Variants in DPYD observed in about 807,000 individuals in gnomAD.
DPYD encodes dihydropyrimidine dehydrogenase [NADP(+)].
Under a neutral mutation model 116.2 loss-of-function variants are expected in DPYD, and 109 were observed. The observed-to-expected ratio is 0.94, with a 90% CI of 0.80 to 1.10. The LOEUF is 1.10. DPYD is among the 50% of genes least tolerant of loss of function. DPYD has a pLI of 0.00. For synonymous variants in DPYD, 440 were observed against 432.0 expected (o/e 1.02, Z -0.23); for missense variants, 1,302 against 1,254.5 (o/e 1.04, Z -0.57).
Position 97,742,554 on chromosome 1 carries a change from ACGTTTT to A in DPYD, c.234-2081_234-2076del, listed in dbSNP as rs1664327556. Among the ~76,000 whole-genome samples the A allele has an allele frequency of 2.6e-5, 4 of 152,146 alleles. No homozygotes were observed. In the South Asian group the frequency reaches 8.3e-4, roughly 31 times the overall value. ...TTGAATTCCTGTCTGCTCATACTTAACGTTTTTTCCCCGAAACACTATTGTTGAGTT... is the reference window on the plus strand; with the variant it reads ...TTGAATTCCTGTCTGCTCATACTTAATTCCCCGAAACACTATTGTTGAGTT... On this transcript the variant is annotated intron_variant, in intron 3 of 22. Coordinates refer to ENST00000370192, the MANE Select transcript of DPYD (RefSeq NM_000110.4).
intron 13 of DPYD, among the ~76,000 whole-genome samples, chr1:97,492,762 C>A (rs900629984): frequency 2.0e-5 from 3 of 151,812 alleles, no homozygotes; most frequent in Admixed American, 6.6e-5. Flanking sequence ...TAAAGAAATT[C>A]AAAAAAATGG....
chr1:97,552,459 A>G lies in DPYD; in HGVS notation c.1340-2715T>C, dbSNP rs181833544. Among the ~76,000 whole-genome samples the G allele has an allele frequency of 2.0e-5, 3 of 152,216 alleles. No individual in the cohort carries two copies. In the East Asian group the frequency reaches 5.8e-4, roughly 29 times the overall value. On this transcript the variant is annotated intron_variant, in intron 11 of 22. Coordinates refer to ENST00000370192, the MANE Select transcript of DPYD (RefSeq NM_000110.4). ...AATAAGTAACTTTATGTTTCTTAAA[A>G]TATTTAGCACCAACATCATAAGCCA...
intron 18 of DPYD, among the ~76,000 whole-genome samples, chr1:97,290,806 C>T (rs1666090512): frequency 6.6e-6 from 1 of 152,126 alleles, no homozygotes; most frequent in Admixed American, 6.5e-5. Context: ...ACACCAAAAG[C>T]AATGGCAACA....
chr1:97,834,690 T>C (rs1669683594), intron 2 of DPYD, among the ~76,000 whole-genome samples: 1 of 151,818 alleles, frequency 6.6e-6, no homozygotes, highest in Non-Finnish European at 1.5e-5. Context: ...GGACATAAAG[T>C]AAATTGGGAA....
chr1:97,350,537 G>A (rs1670085761), intron 16 of DPYD, among the ~76,000 whole-genome samples: 1 of 151,960 alleles, frequency 6.6e-6, no homozygotes, highest in Admixed American at 6.6e-5. Flanking sequence ...AGGTTACAGG[G>A]GTCAGTGAAA....
chr1:97,148,260 GGT>G (rs1557893187), intron 20 of DPYD, among the ~76,000 whole-genome samples: 1 of 149,062 alleles, frequency 6.7e-6, no homozygotes, highest in Admixed American at 6.7e-5. Flanking sequence ...GTGTGGGGGG[GGT>G]GTGTGTGTTC....
At chr1:97,369,832 A>G (rs72728418) in intron 16 of DPYD, among the ~76,000 whole-genome samples, 11,132 of 152,230 alleles carry the variant, frequency 0.073, 499 homozygotes, top group African/African-American at 0.12. Context: ...TTAACCAATC[A>G]TAGCCTTTTT....
At chr1:97,277,056 G>A (rs972473809) in intron 18 of DPYD, among the ~76,000 whole-genome samples, 5 of 152,146 alleles carry the variant, frequency 3.3e-5, no homozygotes, top group African/African-American at 7.2e-5. Flanking sequence ...GTCTTTTGAA[G>A]CAACCTGGAT....
intron 20 of DPYD, among the ~76,000 whole-genome samples, chr1:97,183,064 G>A (rs1657753573): frequency 6.6e-6 from 1 of 151,540 alleles, no homozygotes; most frequent in Non-Finnish European, 1.5e-5. Flanking sequence ...TTTCTTGTAT[G>A]GTTAGTGTTT....
chr1:97,570,183 A>G (rs996195110), intron 11 of DPYD, among the ~76,000 whole-genome samples: 1 of 152,024 alleles, frequency 6.6e-6, no homozygotes, highest in Non-Finnish European at 1.5e-5. Flanking sequence ...GAAAAAACTG[A>G]CATTAAAAAT....
chr1:97,115,374 A>G (rs1465352122), intron 20 of DPYD, among the ~76,000 whole-genome samples: 1 of 152,194 alleles, frequency 6.6e-6, no homozygotes, highest in Non-Finnish European at 1.5e-5. Flanking sequence ...TTATTGTTTG[A>G]AAGTTCTAAA....
At chr1:97,615,934 T>C (rs928689848) in intron 8 of DPYD, among the ~76,000 whole-genome samples, 5 of 152,034 alleles carry the variant, frequency 3.3e-5, no homozygotes, top group Admixed American at 3.3e-4. Flanking sequence ...GGCATGCCCT[T>C]CCTTCCCTCC....
At chr1:97,237,519 GA>G (rs1439351388) in intron 18 of DPYD, among the ~76,000 whole-genome samples, 2 of 152,058 alleles carry the variant, frequency 1.3e-5, no homozygotes, top group Admixed American at 1.3e-4. Flanking sequence ...TTAGAAACCG[GA>G]CATTAAGATT....
intron 14 of DPYD, among the ~76,000 whole-genome samples, chr1:97,427,594 T>C (rs1478275072): frequency 1.3e-5 from 2 of 151,882 alleles, no homozygotes; most frequent in Non-Finnish European, 2.9e-5. Context: ...GAGCATTCTC[T>C]CCCTTCCTCT....
intron 10 of DPYD, among the ~76,000 whole-genome samples, chr1:97,583,349 G>A (rs1389229992): frequency 6.6e-6 from 1 of 151,898 alleles, no homozygotes; most frequent in Non-Finnish European, 1.5e-5. Context: ...TAAGATTTAG[G>A]GTACATGTGC....
At chr1:97,551,603 AT>A (rs111344341) in intron 11 of DPYD, among the ~76,000 whole-genome samples, 11 of 151,620 alleles carry the variant, frequency 7.3e-5, no homozygotes, top group African/African-American at 1.4e-4. Flanking sequence ...AGATCAAAGC[AT>A]TTTTTTTTAC....
At chr1:97,735,139 G>A (rs1419058638) in intron 4 of DPYD, among the ~76,000 whole-genome samples, 1 of 152,110 alleles carries the variant, frequency 6.6e-6, no homozygotes, top group Admixed American at 6.6e-5. Context: ...CACTGCCTGA[G>A]GGAAGCAAAT....
chr1:97,864,408 T>C (rs964613940), intron 2 of DPYD, among the ~76,000 whole-genome samples: 10 of 151,950 alleles, frequency 6.6e-5, no homozygotes, highest in African/African-American at 2.4e-4. Context: ...TGAATGGTGA[T>C]TGTTTTCAGG....
chr1:97,419,231 T>C (rs1366227118), intron 14 of DPYD, among the ~76,000 whole-genome samples: 2 of 152,200 alleles, frequency 1.3e-5, no homozygotes, highest in Non-Finnish European at 2.9e-5. Context: ...GCTTAAGTGA[T>C]AACTGAAAAT....
Sources: gnomAD v4.1 joint callset for allele counts (sites outside exome capture counted in the v4.1 genomes callset) on GRCh38, gnomAD v4.1.1 for gene constraint, MANE v1.5 for transcripts, NCBI Gene and HGNC (gene_info 2026-07-23, HGNC 2026-07-21) for gene names.